The following EIF4EBP1 variants were observed in gnomAD, a reference collection of about 807,000 sequenced individuals.
EIF4EBP1 encodes the protein eukaryotic translation initiation factor 4E binding protein 1.
A neutral mutation model predicts 9.2 loss-of-function variants in EIF4EBP1; 5 were observed. The observed-to-expected ratio is 0.54, with a 90% CI of 0.28 to 1.14. The LOEUF is 1.14. EIF4EBP1 is among the 50% of genes most tolerant of loss of function. EIF4EBP1 has a pLI of 0.09. For missense variants in EIF4EBP1, 139 were observed against 169.6 expected (o/e 0.82, Z 1.00); for synonymous variants, 62 against 67.0 (o/e 0.93, Z 0.36).
At chr8:38,052,287 G>T (rs1216909457) in intron 1 of EIF4EBP1, among the ~76,000 whole-genome samples, 1 of 151,230 alleles carries the variant, frequency 6.6e-6, no homozygotes, top group Admixed American at 6.6e-5. Flanking sequence ...TTTAGACAGG[G>T]TCTCGCTCTG....
intron 1 of EIF4EBP1, among the ~76,000 whole-genome samples, chr8:38,038,961 C>T (rs1024711337): frequency 2.7e-5 from 4 of 150,798 alleles, no homozygotes; most frequent in African/African-American, 9.8e-5. Flanking sequence ...GGCACAATCT[C>T]GGCTCACTGC....
At chr8:38,046,690 C>G (rs1460436620) in intron 1 of EIF4EBP1, among the ~76,000 whole-genome samples, 1 of 152,208 alleles carries the variant, frequency 6.6e-6, no homozygotes, top group Non-Finnish European at 1.5e-5. Flanking sequence ...CTACCATCAT[C>G]ATCATCATCA....
At chr8:38,049,562 A>G (rs1809491538) in intron 1 of EIF4EBP1, among the ~76,000 whole-genome samples, 1 of 148,612 alleles carries the variant, frequency 6.7e-6, no homozygotes, top group Non-Finnish European at 1.5e-5. Flanking sequence ...ACTCACTGCA[A>G]CCTCCACCTT....
chr8:38,045,833 G>A (rs1451848153), intron 1 of EIF4EBP1, among the ~76,000 whole-genome samples: 2 of 152,012 alleles, frequency 1.3e-5, no homozygotes, highest in Non-Finnish European at 2.9e-5. Context: ...TTGAATTCTG[G>A]GTTCAAGCCA....
intron 2 of EIF4EBP1, 116 bp downstream of exon 2, chr8:38,057,376 C>G: frequency 1.6e-6 from 2 of 1,270,762 alleles, no homozygotes; most frequent in Non-Finnish European, 2.1e-6. Flanking sequence ...TCTGCCCTAC[C>G]CTCTAAGGAG....
At chr8:38,059,105 C>CAA (rs149433055) in intron 2 of EIF4EBP1, among the ~76,000 whole-genome samples, 11,340 of 152,120 alleles carry the variant, frequency 0.075, 1,404 homozygotes, top group African/African-American at 0.26. Flanking sequence ...GCAAAAACAA[C>CAA]AAGAGTCAGA....
At chr8:38,034,759 A>G (rs546009690) in intron 1 of EIF4EBP1, among the ~76,000 whole-genome samples, 5 of 152,208 alleles carry the variant, frequency 3.3e-5, no homozygotes, top group African/African-American at 4.8e-5. Context: ...AGCAGCTCCC[A>G]AGTCTTTGGA....
intron 1 of EIF4EBP1, among the ~76,000 whole-genome samples, chr8:38,055,658 A>G (rs1005671171): frequency 6.6e-6 from 1 of 151,990 alleles, no homozygotes; most frequent in Non-Finnish European, 1.5e-5. Flanking sequence ...ACTACTATAT[A>G]TGGAACACCG....
In EIF4EBP1 at chr8:38,055,981, T is replaced by C. The variant is rs957420424; in HGVS notation, c.146-1100T>C. On this transcript the variant is annotated intron_variant, in intron 1 of 2. Coordinates refer to ENST00000338825, the MANE Select transcript of EIF4EBP1 (RefSeq NM_004095.4). ...AGGGGCTCAGCAGGAGAGCCCACCCTTCACTCCTGCCTCTGGCTCTTCTCC... is the reference window on the plus strand; with the variant it reads ...AGGGGCTCAGCAGGAGAGCCCACCCCTCACTCCTGCCTCTGGCTCTTCTCC... Among the ~76,000 whole-genome samples the C allele has an allele frequency of 2.0e-5, 3 of 151,994 alleles. No individual in the cohort carries two copies. The East Asian group carries it at 5.8e-4, about 29-fold the overall frequency.
Position 38,057,074 on chromosome 8 carries a change from C to G in EIF4EBP1, c.146-7C>G. 2 of 1,614,054 alleles carry G rather than the reference C, an allele frequency of 1.2e-6. No individual in the cohort carries two copies. The highest frequency in any genetic ancestry group is 3.3e-5 in the Admixed American group (2 of 60,010). On this transcript the variant is annotated splice_region_variant and splice_polypyrimidine_tract_variant and intron_variant, in intron 1 of 2. Transcript: ENST00000338825. ...ATGGCTTGACCAACCTCCCTGTTCC[C>G]TTCTAGGTACCAGGATCATCTATGA...
At chr8:38,059,314 C>T (rs1213068584) in intron 2 of EIF4EBP1, among the ~76,000 whole-genome samples, 1 of 152,128 alleles carries the variant, frequency 6.6e-6, no homozygotes, top group Non-Finnish European at 1.5e-5. Flanking sequence ...ACTCCACCCT[C>T]TCTCTTGCTC....
At chr8:38,055,184 G>T (rs145766208) in intron 1 of EIF4EBP1, among the ~76,000 whole-genome samples, 1 of 152,016 alleles carries the variant, frequency 6.6e-6, no homozygotes, top group Non-Finnish European at 1.5e-5. Flanking sequence ...AGCATCTCAC[G>T]TCATCCTCAG....
At chr8:38,036,983 A>G (rs1056739408) in intron 1 of EIF4EBP1, among the ~76,000 whole-genome samples, 5 of 151,648 alleles carry the variant, frequency 3.3e-5, no homozygotes, top group Admixed American at 6.6e-5. Flanking sequence ...AAAAAGGAAC[A>G]TTGCTTTCTA....
chr8:38,040,687 T>A (rs143259151), intron 1 of EIF4EBP1, among the ~76,000 whole-genome samples: 1 of 152,308 alleles, frequency 6.6e-6, no homozygotes, highest in Non-Finnish European at 1.5e-5. Flanking sequence ...CCCTCTATCC[T>A]CTTGGTCTCC....
Position 38,060,160 on chromosome 8 carries a change from G to A in EIF4EBP1, c.*225G>A, listed in dbSNP as rs1809654924. 9.8e-6 allele frequency: 6 copies of A among 609,342 alleles called. No homozygotes were observed. In the Admixed American group the frequency reaches 1.4e-4, roughly 14 times the overall value. 37.7% of individuals were successfully genotyped at this position (609,342 alleles called of 1,614,324 possible). Reference sequence around the variant, plus strand: ...ACTGATGCAGGAGCTGCCACCCCAAGGGGAGTGACCCCTGCCAGCACACCC... The same window carrying A: ...ACTGATGCAGGAGCTGCCACCCCAAAGGGAGTGACCCCTGCCAGCACACCC... On this transcript the variant is annotated 3_prime_UTR_variant, in exon 3 of 3. Transcript: ENST00000338825.
chr8:38,044,978 A>T (rs555128365), intron 1 of EIF4EBP1, among the ~76,000 whole-genome samples: 1 of 152,280 alleles, frequency 6.6e-6, no homozygotes, highest in Non-Finnish European at 1.5e-5. Flanking sequence ...GCCTTCATTC[A>T]TGCAGCACTC....
At chr8:38,032,671 T>A (rs1360014633) in intron 1 of EIF4EBP1, among the ~76,000 whole-genome samples, 1 of 152,080 alleles carries the variant, frequency 6.6e-6, no homozygotes. Context: ...GCATAGCATA[T>A]GTTTCTGAGA....
chr8:38,035,419 TG>T (rs1809285973), intron 1 of EIF4EBP1, among the ~76,000 whole-genome samples: 1 of 151,778 alleles, frequency 6.6e-6, no homozygotes, highest in Non-Finnish European at 1.5e-5. Flanking sequence ...GGTTTCACCA[TG>T]TTAGTCAGGC....
chr8:38,051,533 G>T (rs1446555392), intron 1 of EIF4EBP1, among the ~76,000 whole-genome samples: 6 of 152,078 alleles, frequency 3.9e-5, no homozygotes, highest in Admixed American at 3.9e-4. Context: ...GTACAGAGGG[G>T]TCCAAGACAG....
Sources: allele counts gnomAD v4.1 joint callset (sites outside exome capture counted in the v4.1 genomes callset), GRCh38; gene constraint gnomAD v4.1.1; transcripts MANE v1.5; gene names NCBI Gene and HGNC (gene_info 2026-07-23, HGNC 2026-07-21).